The following UNC13C variants were observed in gnomAD, a reference collection of about 807,000 sequenced individuals.
UNC13C encodes the protein protein unc-13 homolog C.
In UNC13C, 174 loss-of-function variants were observed where a neutral mutation model predicts 245.4. The ratio of observed to expected loss-of-function variants is 0.71; its 90% CI spans 0.63 to 0.80. The LOEUF is 0.80. UNC13C is among the 30% of genes least tolerant of loss of function. UNC13C has a pLI of 0.00. For synonymous variants in UNC13C, 992 were observed against 895.1 expected (o/e 1.11, Z -1.93); for missense variants, 2,829 against 2,602.9 (o/e 1.09, Z -1.89).
At chr15:54,157,706 A>G (rs1001461536) in intron 4 of UNC13C, among the ~76,000 whole-genome samples, 6 of 152,226 alleles carry the variant, frequency 3.9e-5, no homozygotes, top group South Asian at 2.1e-4. Flanking sequence ...GCTCTCATTT[A>G]GAGAATTAAA....
At chr15:54,614,048 A>C (rs1169704135) in intron 30 of UNC13C, among the ~76,000 whole-genome samples, 1 of 151,988 alleles carries the variant, frequency 6.6e-6, no homozygotes, top group Non-Finnish European at 1.5e-5. Flanking sequence ...CTTGGTGGAG[A>C]GAGGTTGCTG....
chr15:53,881,852 A>G, the UNC13C span, among the ~76,000 whole-genome samples: 1 of 152,224 alleles, frequency 6.6e-6, no homozygotes, highest in Admixed American at 6.5e-5. Context: ...ATTATCAAAC[A>G]GGGCTGTGCA....
At chr15:54,218,185 G>T (rs1373804075) in intron 4 of UNC13C, among the ~76,000 whole-genome samples, 2 of 151,940 alleles carry the variant, frequency 1.3e-5, no homozygotes, top group African/African-American at 4.8e-5. Flanking sequence ...CCAAAAAGTA[G>T]GACATCCTCC....
chr15:54,390,552 A>C, intron 17 of UNC13C, among the ~76,000 whole-genome samples: 1 of 152,192 alleles, frequency 6.6e-6, no homozygotes, highest in South Asian at 2.1e-4. Context: ...TGATTGATTT[A>C]CTGGGTCATA....
chr15:53,993,240 TAG>T (rs1372520966), intron 1 of UNC13C, among the ~76,000 whole-genome samples: 1 of 152,162 alleles, frequency 6.6e-6, no homozygotes, highest in Non-Finnish European at 1.5e-5. Flanking sequence ...GCATTTGCAA[TAG>T]AGTCTTTGAC....
At chr15:53,934,017 G>C in the UNC13C span, among the ~76,000 whole-genome samples, 1 of 152,200 alleles carries the variant, frequency 6.6e-6, no homozygotes. Context: ...CAACTGCATG[G>C]CTTCTGGTGA....
At chr15:54,216,717 G>T (rs1323517433) in intron 4 of UNC13C, among the ~76,000 whole-genome samples, 2 of 151,956 alleles carry the variant, frequency 1.3e-5, no homozygotes, top group African/African-American at 4.8e-5. Context: ...CCCAGAGTGA[G>T]CGAGATGAAA....
At chr15:54,462,001 G>C (rs1056188218) in intron 19 of UNC13C, among the ~76,000 whole-genome samples, 1 of 152,120 alleles carries the variant, frequency 6.6e-6, no homozygotes, top group African/African-American at 2.4e-5. Context: ...TGAGTTTTGT[G>C]GCCATCACTT....
intron 19 of UNC13C, among the ~76,000 whole-genome samples, chr15:54,448,736 A>C (rs928063538): frequency 6.6e-6 from 1 of 152,142 alleles, no homozygotes; most frequent in Non-Finnish European, 1.5e-5. Context: ...CCAATTTGCC[A>C]GTCTGTGTCT....
intron 19 of UNC13C, among the ~76,000 whole-genome samples, chr15:54,437,107 A>C (rs1890261743): frequency 6.6e-6 from 1 of 151,942 alleles, no homozygotes; most frequent in Admixed American, 6.6e-5. Flanking sequence ...TCTGGTAACA[A>C]ACTTGTCTTT....
chr15:54,592,459 T>G (rs909607140), intron 30 of UNC13C, among the ~76,000 whole-genome samples: 1 of 152,210 alleles, frequency 6.6e-6, no homozygotes, highest in Non-Finnish European at 1.5e-5. Flanking sequence ...AGTAATTGAC[T>G]TATAAAATTG....
intron 2 of UNC13C, among the ~76,000 whole-genome samples, chr15:54,132,604 C>T (rs909345452): frequency 6.6e-6 from 1 of 152,186 alleles, no homozygotes; most frequent in Admixed American, 6.5e-5. Context: ...TATTTGCAGA[C>T]TTATCTAGCA....
chr15:53,946,736 T>A, the UNC13C span, among the ~76,000 whole-genome samples: 1 of 150,620 alleles, frequency 6.6e-6, no homozygotes, highest in Non-Finnish European at 1.5e-5. Context: ...AAGGTCTATC[T>A]GTGTCTATTG....
intron 8 of UNC13C, among the ~76,000 whole-genome samples, chr15:54,253,430 G>A (rs1276132461): frequency 6.6e-6 from 1 of 152,186 alleles, no homozygotes; most frequent in East Asian, 1.9e-4. Flanking sequence ...AAAACTCATA[G>A]ACACAGGGTG....
At chr15:54,545,564 T>G (rs1896447401) in intron 26 of UNC13C, among the ~76,000 whole-genome samples, 1 of 151,730 alleles carries the variant, frequency 6.6e-6, no homozygotes, top group African/African-American at 2.4e-5. Flanking sequence ...GCTAATATCC[T>G]ACAAGGAACT....
chr15:54,481,803 A>T (rs1051879594), intron 19 of UNC13C, among the ~76,000 whole-genome samples: 1 of 152,088 alleles, frequency 6.6e-6, no homozygotes, highest in African/African-American at 2.4e-5. Flanking sequence ...CTGATGGTGC[A>T]TGGGGATGCC....
chr15:54,089,660 CT>C (rs59965194), intron 2 of UNC13C, among the ~76,000 whole-genome samples: 72,577 of 140,022 alleles, frequency 0.52, 18,787 homozygotes, highest in Non-Finnish European at 0.58. Flanking sequence ...CTTCCAATAT[CT>C]TTTTTTTTTT....
intron 2 of UNC13C, among the ~76,000 whole-genome samples, chr15:54,040,801 G>T (rs942520478): frequency 1.3e-5 from 2 of 152,200 alleles, no homozygotes; most frequent in African/African-American, 4.8e-5. Flanking sequence ...AGCCTTTGCT[G>T]TAGCTGTTCT....
At chr15:54,228,825 G>A (rs571464836) in intron 4 of UNC13C, among the ~76,000 whole-genome samples, 2 of 152,264 alleles carry the variant, frequency 1.3e-5, no homozygotes, top group South Asian at 2.1e-4. Flanking sequence ...CTGGGGTTGG[G>A]GAAATGGGTG....
Sources: allele counts gnomAD v4.1 joint callset (sites outside exome capture counted in the v4.1 genomes callset), GRCh38; gene constraint gnomAD v4.1.1; transcripts MANE v1.5; gene names NCBI Gene and HGNC (gene_info 2026-07-23, HGNC 2026-07-21).